ATP2C2: variants seen among roughly 807,000 people sequenced by gnomAD.
ATP2C2 encodes calcium-transporting ATPase type 2C member 2.
A neutral mutation model predicts 110.8 loss-of-function variants in ATP2C2; 171 were observed. That is an observed-to-expected ratio of 1.54 (90% CI 1.36 to 1.75). The LOEUF (loss-of-function observed/expected upper bound fraction) is 1.75, where lower values mean the gene tolerates loss of function less well. ATP2C2 is among the 40% of genes most tolerant of loss of function. The pLI is 0.00. For synonymous variants in ATP2C2, 804 were observed against 508.4 expected, an observed-to-expected ratio of 1.58 and a Z score of -7.82; for missense variants, 1,963 against 1,235.0, an observed-to-expected ratio of 1.59 and a Z score of -8.84.
intron 11 of ATP2C2, among the ~76,000 whole-genome samples, chr16:84,433,686 ACAC>A (rs1908486930): frequency 1.9e-5 from 1 of 51,864 alleles, no homozygotes; most frequent in Non-Finnish European, 3.7e-5. Flanking sequence ...ACAACAAAAC[ACAC>A]ACACACACAC....
chr16:84,416,905 C>A (rs999692844), intron 7 of ATP2C2, among the ~76,000 whole-genome samples: 1 of 135,192 alleles, frequency 7.4e-6, no homozygotes, highest in Non-Finnish European at 1.6e-5. Context: ...CCACGTTTTC[C>A]TTCTCCCGAG....
At chr16:84,441,001 G>A (rs1199057789) in intron 14 of ATP2C2, 43 bp downstream of exon 14, 4 of 1,471,852 alleles carry the variant, frequency 2.7e-6, no homozygotes. Context: ...CATTTACATT[G>A]AGGCTTCTGG....
chr16:84,377,801 C>A (rs749431354), intron 1 of ATP2C2, among the ~76,000 whole-genome samples: 1 of 151,818 alleles, frequency 6.6e-6, no homozygotes, highest in Non-Finnish European at 1.5e-5. Context: ...GTATTTTTTT[C>A]TTTGAGGAGC....
intron 24 of ATP2C2, chr16:84,461,090 C>G (rs954842577): frequency 2.4e-6 from 1 of 420,752 alleles, no homozygotes; most frequent in African/African-American, 2.0e-5. Context: ...AGGCTGCCCC[C>G]TGTTCCCTTG....
chr16:84,395,497 T>C (rs1362607484), intron 1 of ATP2C2, among the ~76,000 whole-genome samples: 1 of 151,524 alleles, frequency 6.6e-6, no homozygotes, highest in Non-Finnish European at 1.5e-5. Flanking sequence ...CTCACTCTGT[T>C]GCCCAGGCTG....
intron 13 of ATP2C2, among the ~76,000 whole-genome samples, chr16:84,440,192 G>C (rs116310708): frequency 0.022 from 3,421 of 152,310 alleles, 142 homozygotes; most frequent in African/African-American, 0.079. Flanking sequence ...CAGTGCAGTG[G>C]TGCAATCATG....
At chr16:84,458,597 G>A (rs759012535) in intron 21 of ATP2C2, among the ~76,000 whole-genome samples, 28 of 152,222 alleles carry the variant, frequency 1.8e-4, no homozygotes, top group Non-Finnish European at 7.4e-5. Context: ...CCCACGGTGC[G>A]TAATTGTTTT....
rs1597813265 is a variant in ATP2C2 at position 84,425,938 on chromosome 16, C to T, written c.986+137C>T. 1.4e-5 allele frequency: 15 copies of T among 1,040,840 alleles called. No homozygotes were observed. The East Asian group carries it at 3.6e-4, about 25-fold the overall frequency. 64.5% of individuals were successfully genotyped at this position (1,040,840 alleles called of 1,614,324 possible). ...TGCAGCCCCGTCACCCAAACTCCAG[C>T]CTCCCAATAGCATGTTCTCCGACAG... On this transcript the variant is annotated intron_variant, in intron 11 of 26. Coordinates refer to ENST00000262429, the MANE Select transcript of ATP2C2 (RefSeq NM_014861.4).
chr16:84,440,461 T>C (rs1189246135), intron 13 of ATP2C2, among the ~76,000 whole-genome samples: 1 of 152,260 alleles, frequency 6.6e-6, no homozygotes, highest in African/African-American at 2.4e-5. Context: ...ATATTGCCAA[T>C]GGCTGCTTTC....
intron 1 of ATP2C2, among the ~76,000 whole-genome samples, chr16:84,381,725 T>TA (rs1289415215): frequency 1.3e-5 from 2 of 152,244 alleles, no homozygotes; most frequent in African/African-American, 4.8e-5. Flanking sequence ...AATGGCGGTG[T>TA]AGGCATTCGT....
At chr16:84,417,196 A>G (rs1342882958) in intron 7 of ATP2C2, among the ~76,000 whole-genome samples, 2 of 152,192 alleles carry the variant, frequency 1.3e-5, no homozygotes, top group African/African-American at 2.4e-5. Context: ...ATCTTCAGAG[A>G]TGCCAAAAGT....
intron 1 of ATP2C2, among the ~76,000 whole-genome samples, chr16:84,371,152 A>T (rs1909930892): frequency 1.3e-5 from 2 of 152,206 alleles, no homozygotes; most frequent in African/African-American, 4.8e-5. Flanking sequence ...CTGGTGGTTG[A>T]GAGGGGAACT....
chr16:84,410,239 C>A (rs945459795), intron 4 of ATP2C2, among the ~76,000 whole-genome samples: 1 of 152,076 alleles, frequency 6.6e-6, no homozygotes, highest in African/African-American at 2.4e-5. Context: ...AGTTCCACAT[C>A]TGCTATGGAG....
At chr16:84,388,952 A>T (rs1378833143) in intron 1 of ATP2C2, among the ~76,000 whole-genome samples, 1 of 152,004 alleles carries the variant, frequency 6.6e-6, no homozygotes, top group Non-Finnish European at 1.5e-5. Flanking sequence ...TTGTATTTTT[A>T]GTAGAGATGG....
In ATP2C2 at chr16:84,446,086, C is replaced by T. The variant is rs568928714; in HGVS notation, c.1402-243C>T. ...GAAACACTGCAGGTTTGTTTCTAAG[C>T]AGATTTCAGATAGAAGCTGTTGCAA... On this transcript the variant is annotated intron_variant, in intron 15 of 26. Coordinates refer to ENST00000262429, the MANE Select transcript of ATP2C2 (RefSeq NM_014861.4). Among the ~76,000 whole-genome samples the T allele has an allele frequency of 6.1e-4, 93 of 152,142 alleles. No individual in the cohort carries two copies. In the Middle Eastern group the frequency reaches 0.01, roughly 17 times the overall value.
At chr16:84,404,811 T>C (rs1905605103) in intron 2 of ATP2C2, 1 of 67,336 alleles carries the variant, frequency 1.5e-5, no homozygotes, top group South Asian at 1.1e-4. Flanking sequence ...CCCAAGACCT[T>C]TTTTTTTTTT....
chr16:84,383,299 C>G (rs11643776), intron 1 of ATP2C2, among the ~76,000 whole-genome samples: 21,986 of 152,290 alleles, frequency 0.14, 2,073 homozygotes, highest in South Asian at 0.25. Flanking sequence ...TCACTCCACA[C>G]TCACCTGCCG....
chr16:84,379,273 T>G (rs1391163488), intron 1 of ATP2C2, among the ~76,000 whole-genome samples: 8 of 152,126 alleles, frequency 5.3e-5, no homozygotes, highest in East Asian at 1.9e-4. Context: ...TCTCAATCTT[T>G]CTGGGCTGAA....
intron 1 of ATP2C2, among the ~76,000 whole-genome samples, chr16:84,395,627 A>G (rs1904925353): frequency 6.6e-6 from 1 of 151,696 alleles, no homozygotes; most frequent in African/African-American, 2.4e-5. Context: ...TCCCTGACTC[A>G]GCCTCCAGAG....
Sources: allele counts gnomAD v4.1 joint callset (sites outside exome capture counted in the v4.1 genomes callset), GRCh38; gene constraint gnomAD v4.1.1; transcripts MANE v1.5; gene names NCBI Gene and HGNC (gene_info 2026-07-23, HGNC 2026-07-21).